Variants in FMNL2 observed in about 807,000 individuals in gnomAD.
FMNL2 encodes the protein formin like 2.
FMNL2 carries 51 observed loss-of-function variants against 130.2 expected under a neutral mutation model. The observed-to-expected ratio is 0.39, with a 90% CI of 0.31 to 0.49. FMNL2 has a LOEUF of 0.49. FMNL2 is among the 20% of genes least tolerant of loss of function. The pLI is 0.85. For synonymous variants in FMNL2, 465 were observed against 467.1 expected, an observed-to-expected ratio of 1.00 and a Z score of 0.06; for missense variants, 977 against 1,316.2, an observed-to-expected ratio of 0.74 and a Z score of 3.99.
chr2:152,561,173 T>C, intron 6 of FMNL2, 138 bp downstream of exon 6: 1 of 909,090 alleles, frequency 1.1e-6, no homozygotes, highest in South Asian at 1.9e-5. Flanking sequence ...TAAATGAATG[T>C]TTCTTTAGGA....
At position 152,532,569 on chromosome 2, in the gene FMNL2, C is replaced by T. The variant is rs536424140; in HGVS notation, c.202-10170C>T. On this transcript the variant is annotated intron_variant, in intron 2 of 25. Coordinates refer to ENST00000288670, the MANE Select transcript of FMNL2 (RefSeq NM_052905.4). Reference sequence around the variant, plus strand: ...CATTTGTATATCTTTGTTGAAGGATCTGCTCTGTTCAAATCTTTTGCCTAT... The same window carrying T: ...CATTTGTATATCTTTGTTGAAGGATTTGCTCTGTTCAAATCTTTTGCCTAT... Among the ~76,000 whole-genome samples, 234 of 151,008 alleles carry T rather than the reference C, an allele frequency of 1.5e-3. 2 individuals carry two copies. The highest frequency in any genetic ancestry group is 6.8e-3 in the Middle Eastern group (2 of 292).
chr2:152,462,928 GTTT>G, intron 1 of FMNL2, among the ~76,000 whole-genome samples: 1 of 152,214 alleles, frequency 6.6e-6, no homozygotes, highest in East Asian at 1.9e-4. Context: ...TATAAAGAAT[GTTT>G]CTTTTGATAT....
chr2:152,563,388 T>A (rs541849849), intron 6 of FMNL2, among the ~76,000 whole-genome samples: 1 of 152,344 alleles, frequency 6.6e-6, no homozygotes, highest in East Asian at 1.9e-4. Context: ...AGAAAGCTGA[T>A]AAGGCAGTAA....
chr2:152,427,430 G>A (rs59483741), intron 1 of FMNL2, among the ~76,000 whole-genome samples: 6 of 151,934 alleles, frequency 3.9e-5, no homozygotes, highest in Admixed American at 2.6e-4. Context: ...TCCTGTAGTC[G>A]CAGCTACTCG....
intron 1 of FMNL2, among the ~76,000 whole-genome samples, chr2:152,365,870 A>G (rs12621431): frequency 0.99 from 150,506 of 152,326 alleles, 74,380 homozygotes; most frequent in Middle Eastern, 1. Context: ...GAGACCGAGA[A>G]TTGGTGCCTC....
chr2:152,603,357 G>C (rs1171567671), intron 9 of FMNL2, among the ~76,000 whole-genome samples: 1 of 149,762 alleles, frequency 6.7e-6, no homozygotes, highest in Non-Finnish European at 1.5e-5. Context: ...GGTTATTTTC[G>C]CCAAGTTCAT....
At chr2:152,529,956 G>A (rs1290905656) in intron 2 of FMNL2, among the ~76,000 whole-genome samples, 2 of 151,988 alleles carry the variant, frequency 1.3e-5, no homozygotes, top group African/African-American at 4.8e-5. Context: ...AAGATAAGTG[G>A]GGAAGGAAAA....
intron 1 of FMNL2, among the ~76,000 whole-genome samples, chr2:152,518,426 T>C (rs779995543): frequency 6.6e-6 from 1 of 152,220 alleles, no homozygotes; most frequent in African/African-American, 2.4e-5. Context: ...TCAAAAAGAC[T>C]TCTTAAGTCT....
intron 1 of FMNL2, among the ~76,000 whole-genome samples, chr2:152,503,115 G>A (rs1691941530): frequency 6.6e-6 from 1 of 152,168 alleles, no homozygotes; most frequent in African/African-American, 2.4e-5. Context: ...CGTTCAAGAT[G>A]GTAAGGCAGA....
intron 15 of FMNL2, among the ~76,000 whole-genome samples, chr2:152,624,061 C>T (rs866325344): frequency 2.5e-3 from 7 of 2,774 alleles, no homozygotes; most frequent in African/African-American, 4.1e-3. Context: ...CTCCCCTCCC[C>T]TCCCCTCCCC....
intron 1 of FMNL2, among the ~76,000 whole-genome samples, chr2:152,362,345 A>G (rs1407216650): frequency 6.6e-6 from 1 of 152,218 alleles, no homozygotes; most frequent in Non-Finnish European, 1.5e-5. Context: ...CACTAGGAGA[A>G]TTAGATGTAA....
At chr2:152,612,171 A>G (rs1211086452) in intron 11 of FMNL2, among the ~76,000 whole-genome samples, 1 of 152,212 alleles carries the variant, frequency 6.6e-6, no homozygotes, top group African/African-American at 2.4e-5. Flanking sequence ...CCCTTGCAGA[A>G]GAGTTTAGCC....
At chr2:152,546,105 A>G (rs1579930872) in intron 3 of FMNL2, among the ~76,000 whole-genome samples, 2 of 152,222 alleles carry the variant, frequency 1.3e-5, no homozygotes, top group Admixed American at 1.3e-4. Flanking sequence ...CCTCAGTGCT[A>G]CGCTGGGTGC....
intron 5 of FMNL2, among the ~76,000 whole-genome samples, chr2:152,559,913 TCTG>T (rs1695432022): frequency 6.6e-6 from 1 of 152,240 alleles, no homozygotes; most frequent in South Asian, 2.1e-4. Flanking sequence ...TGCATCTATC[TCTG>T]CTATCTGATT....
At chr2:152,627,875 T>C (rs892481063) in intron 17 of FMNL2, among the ~76,000 whole-genome samples, 1 of 152,256 alleles carries the variant, frequency 6.6e-6, no homozygotes, top group Non-Finnish European at 1.5e-5. Flanking sequence ...TCACCAGATA[T>C]TCTGTACTAA....
chr2:152,409,321 T>C (rs1393142345), intron 1 of FMNL2, among the ~76,000 whole-genome samples: 4 of 152,220 alleles, frequency 2.6e-5, no homozygotes, highest in African/African-American at 9.7e-5. Flanking sequence ...AAGACGCCAC[T>C]TATTAATTCT....
intron 1 of FMNL2, among the ~76,000 whole-genome samples, chr2:152,410,760 G>T (rs544322949): frequency 5.3e-5 from 8 of 152,122 alleles, no homozygotes; most frequent in South Asian, 2.1e-4. Flanking sequence ...TTATTCTTCT[G>T]GGTAAAAAAG....
intron 1 of FMNL2, among the ~76,000 whole-genome samples, chr2:152,493,977 C>T (rs1691358869): frequency 6.6e-6 from 1 of 152,206 alleles, no homozygotes; most frequent in Non-Finnish European, 1.5e-5. Context: ...ATTTGGCTTA[C>T]ATATCTTATT....
chr2:152,444,531 A>T (rs1688234907), intron 1 of FMNL2, among the ~76,000 whole-genome samples: 1 of 152,224 alleles, frequency 6.6e-6, no homozygotes, highest in East Asian at 1.9e-4. Flanking sequence ...GGCAGGCAGG[A>T]TAACACATTA....
Sources: gnomAD v4.1 joint callset for allele counts (sites outside exome capture counted in the v4.1 genomes callset) on GRCh38, gnomAD v4.1.1 for gene constraint, MANE v1.5 for transcripts, NCBI Gene and HGNC (gene_info 2026-07-23, HGNC 2026-07-21) for gene names.